The following VWA8 variants were observed in gnomAD, a reference collection of about 807,000 sequenced individuals.
VWA8 encodes the protein von Willebrand factor A domain containing 8, also known as von Willebrand factor A domain-containing protein 8.
Under a neutral mutation model 241.5 loss-of-function variants are expected in VWA8, and 221 were observed. That is an observed-to-expected ratio of 0.91 (90% CI 0.82 to 1.02). VWA8 has a LOEUF of 1.02. Ranked by LOEUF, VWA8 falls within the 50% of genes least tolerant of loss-of-function variation. The pLI is 0.00. For synonymous variants in VWA8, 852 were observed against 827.1 expected (o/e 1.03, Z -0.52); for missense variants, 2,322 against 2,328.7 (o/e 1.00, Z 0.06).
intron 9 of VWA8, among the ~76,000 whole-genome samples, chr13:41,872,069 T>C (rs1177388358): frequency 4.6e-5 from 7 of 152,344 alleles, no homozygotes; most frequent in African/African-American, 1.7e-4. Context: ...ATGATGAGCA[T>C]TTTTTCATGT....
At chr13:41,638,315 A>T (rs1030958686) in intron 37 of VWA8, among the ~76,000 whole-genome samples, 16 of 152,340 alleles carry the variant, frequency 1.1e-4, no homozygotes, top group Admixed American at 3.9e-4. Flanking sequence ...TTCTACTATA[A>T]ATTTTTGTAA....
intron 17 of VWA8, among the ~76,000 whole-genome samples, chr13:41,799,301 T>C (rs553514002): frequency 6.6e-6 from 1 of 152,308 alleles, no homozygotes; most frequent in Non-Finnish European, 1.5e-5. Context: ...TGGTGTTTTC[T>C]ACTAAGCCTC....
intron 37 of VWA8, among the ~76,000 whole-genome samples, chr13:41,636,968 G>A (rs2044761945): frequency 6.6e-6 from 1 of 151,198 alleles, no homozygotes; most frequent in Admixed American, 6.6e-5. Context: ...CTGTTGGTGG[G>A]ACTGTAAACT....
intron 29 of VWA8, among the ~76,000 whole-genome samples, chr13:41,697,378 CTAA>C (rs1348347943): frequency 6.6e-6 from 1 of 152,174 alleles, no homozygotes; most frequent in Admixed American, 6.5e-5. Context: ...TCAAAACCTC[CTAA>C]TGTCTTCCCC....
intron 20 of VWA8, among the ~76,000 whole-genome samples, chr13:41,765,176 G>T (rs759412774): frequency 6.6e-6 from 1 of 151,860 alleles, no homozygotes; most frequent in Non-Finnish European, 1.5e-5. Flanking sequence ...AATTAGCTGG[G>T]TGGGGGAGGG....
chr13:41,623,749 T>C (rs1566391834), intron 37 of VWA8, among the ~76,000 whole-genome samples: 1 of 152,304 alleles, frequency 6.6e-6, no homozygotes, highest in East Asian at 1.9e-4. Context: ...TCACACAGGA[T>C]CTTTACTTCT....
chr13:41,865,106 C>T (rs778739808), intron 12 of VWA8, among the ~76,000 whole-genome samples: 1 of 151,630 alleles, frequency 6.6e-6, no homozygotes, highest in Non-Finnish European at 1.5e-5. Context: ...GTAGCTGAAA[C>T]CTATTTTGTT....
intron 9 of VWA8, among the ~76,000 whole-genome samples, chr13:41,874,329 G>A (rs1379857706): frequency 6.6e-6 from 1 of 151,230 alleles, no homozygotes; most frequent in Non-Finnish European, 1.5e-5. Flanking sequence ...TGGAAGTTCT[G>A]GCCAGGGCAA....
intron 20 of VWA8, among the ~76,000 whole-genome samples, chr13:41,766,267 T>C (rs886453746): frequency 6.6e-5 from 10 of 152,048 alleles, no homozygotes; most frequent in African/African-American, 2.4e-4. Flanking sequence ...CTTTTCTTCC[T>C]GGACAAGAAA....
chr13:41,841,554 A>C (rs943654941), intron 12 of VWA8, among the ~76,000 whole-genome samples: 8 of 151,402 alleles, frequency 5.3e-5, no homozygotes. Context: ...TGGGAGGCCG[A>C]GGCAGGTGGA....
At chr13:41,725,648 T>C (rs774785065) in intron 24 of VWA8, among the ~76,000 whole-genome samples, 1 of 152,070 alleles carries the variant, frequency 6.6e-6, no homozygotes, top group East Asian at 1.9e-4. Context: ...CAAGAGCAGA[T>C]GGCACATATG....
At chr13:41,835,828 ACTC>A (rs1871698639) in intron 12 of VWA8, among the ~76,000 whole-genome samples, 1 of 152,100 alleles carries the variant, frequency 6.6e-6, no homozygotes, top group Non-Finnish European at 1.5e-5. Flanking sequence ...TTTAAAGAAA[ACTC>A]CTGGTATGAA....
intron 20 of VWA8, among the ~76,000 whole-genome samples, chr13:41,766,351 A>T (rs1351398420): frequency 6.6e-6 from 1 of 152,222 alleles, no homozygotes; most frequent in Non-Finnish European, 1.5e-5. Context: ...GAGTAGGAGA[A>T]AAAAGCTAAA....
intron 12 of VWA8, among the ~76,000 whole-genome samples, chr13:41,836,512 CA>C (rs968328191): frequency 1.1e-4 from 16 of 151,998 alleles, no homozygotes; most frequent in African/African-American, 3.9e-4. Context: ...AAACTGGTAA[CA>C]TTTTTTTTTT....
intron 7 of VWA8, among the ~76,000 whole-genome samples, 176 bp from the exon 8 acceptor site, chr13:41,886,204 T>G (rs1162836061): frequency 6.6e-6 from 1 of 152,178 alleles, no homozygotes; most frequent in East Asian, 1.9e-4. Flanking sequence ...GCTGATTAGA[T>G]GCAAATATAT....
rs552843763 is a variant in VWA8 at position 41,864,473 on chromosome 13, C to T, written c.1425+1263G>A. The T allele has an allele frequency of 1.4e-5, 5 of 345,878 alleles. No individual in the cohort carries two copies. In the East Asian group the frequency reaches 4.2e-4, roughly 29 times the overall value. The allele number at this position is 345,878 out of a possible 1,614,324, so 21.4% of individuals were successfully genotyped here. On this transcript the variant is annotated intron_variant, in intron 12 of 44. Transcript: ENST00000379310. ...ATGGAGAAACAAAGAGTGGTATAGA[C>T]ATACAACAGAATATGACTTTGCCCT... is the stretch of plus-strand genomic sequence containing the variant.
At chr13:41,884,579 GA>G (rs11441652) in intron 8 of VWA8, among the ~76,000 whole-genome samples, 26 of 145,198 alleles carry the variant, frequency 1.8e-4, no homozygotes, top group East Asian at 2.0e-4. Context: ...AATGGTTCAG[GA>G]AAAAAAAAAA....
At position 41,863,446 on chromosome 13, in the gene VWA8, TATATATATTC is replaced by T. The variant is rs1378070186; in HGVS notation, c.1425+2280_1425+2289del. ...GTGTGTGTGTGTGTATATATATATATATATATATTCACACACACACACACACTATATATAT... is the reference window on the plus strand; with the variant it reads ...GTGTGTGTGTGTGTATATATATATATACACACACACACACACTATATATAT... On this transcript the variant is annotated intron_variant, in intron 12 of 44. Coordinates refer to ENST00000379310, the MANE Select transcript of VWA8 (RefSeq NM_015058.2). 9.2e-5 allele frequency among the ~76,000 whole-genome samples: 10 copies of T among 108,310 alleles called. 1 individual carries two copies. Among genetic ancestry groups the T allele is most frequent in the Non-Finnish European group, 2.1e-4 (10 of 48,618 alleles). The allele number at this position is 108,310 out of a possible 152,430, so 71.1% of individuals were successfully genotyped here. A position where few individuals can be genotyped will look rare whatever the true frequency, so the allele number is the denominator to read the frequency against.
intron 37 of VWA8, among the ~76,000 whole-genome samples, chr13:41,637,099 T>C (rs1471446185): frequency 4.0e-5 from 6 of 151,246 alleles, no homozygotes; most frequent in Non-Finnish European, 7.4e-5. Flanking sequence ...CATGCTGCTA[T>C]AAAGACACAT....
Sources: allele counts gnomAD v4.1 joint callset (sites outside exome capture counted in the v4.1 genomes callset), GRCh38; gene constraint gnomAD v4.1.1; transcripts MANE v1.5; gene names NCBI Gene and HGNC (gene_info 2026-07-23, HGNC 2026-07-21).